ANK3: variants seen among roughly 807,000 people sequenced by gnomAD.
The protein encoded by ANK3 is ankyrin-3.
In ANK3, 57 loss-of-function variants were observed where a neutral mutation model predicts 370.9. The observed-to-expected ratio is 0.15, with a 90% CI of 0.12 to 0.19. ANK3 has a LOEUF of 0.19. Ranked by LOEUF, ANK3 falls within the 10% of genes least tolerant of loss-of-function variation. ANK3 has a pLI of 1.00. For synonymous variants in ANK3, 1,929 were observed against 1,946.3 expected (o/e 0.99, Z 0.23); for missense variants, 4,439 against 5,302.1 (o/e 0.84, Z 5.06).
intron 1 of ANK3, among the ~76,000 whole-genome samples, chr10:60,284,773 C>T (rs551131662): frequency 6.6e-6 from 1 of 151,874 alleles, no homozygotes; most frequent in Non-Finnish European, 1.5e-5. Context: ...CATAGCTCTG[C>T]TCCTTTGCTT....
chr10:60,504,483 T>C (rs1358351370), intron 2 of ANK3, among the ~76,000 whole-genome samples: 2 of 152,200 alleles, frequency 1.3e-5, no homozygotes, highest in Admixed American at 6.5e-5. Context: ...AAAGGCTTTT[T>C]TCCCCCCCAG....
chr10:60,658,323 A>G (rs1313072131), intron 1 of ANK3, among the ~76,000 whole-genome samples: 1 of 151,272 alleles, frequency 6.6e-6, no homozygotes, highest in East Asian at 1.9e-4. Flanking sequence ...TATTGCCACT[A>G]TTGGCTTTCT....
At chr10:60,098,883 G>A (rs2090656906) in intron 28 of ANK3, among the ~76,000 whole-genome samples, 1 of 152,156 alleles carries the variant, frequency 6.6e-6, no homozygotes, top group South Asian at 2.1e-4. Context: ...AAGTGCTGAT[G>A]ATGCAGAATG....
rs56412726 is a variant in ANK3 at position 60,064,672 on chromosome 10, G to GCAACAACAACAACAA, written c.12320-399_12320-385dup. On this transcript the variant is annotated intron_variant, in intron 38 of 43. Coordinates refer to ENST00000280772, the MANE Select transcript of ANK3 (RefSeq NM_020987.5). ...CAAAACCCCGGTCTCCATACACACA[G>GCAACAACAACAACAA]CAACAACAACAACAACAACAACAAC... is the stretch of plus-strand genomic sequence containing the variant. Among the ~76,000 whole-genome samples, 56 of 146,212 alleles carry GCAACAACAACAACAA rather than the reference G, an allele frequency of 3.8e-4. 1 individual carries two copies. The highest frequency in any genetic ancestry group is 1.3e-3 in the African/African-American group (52 of 40,008).
intron 2 of ANK3, among the ~76,000 whole-genome samples, chr10:60,594,772 T>C (rs900630503): frequency 4.6e-5 from 7 of 152,172 alleles, no homozygotes; most frequent in African/African-American, 1.4e-4. Flanking sequence ...TTGTGAACTA[T>C]TGCTATGTTA....
chr10:60,426,670 A>G (rs1000895978), intron 2 of ANK3, among the ~76,000 whole-genome samples: 1 of 152,152 alleles, frequency 6.6e-6, no homozygotes, highest in African/African-American at 2.4e-5. Context: ...AAGAAACTCT[A>G]TCAATCCAAG....
At chr10:60,178,037 T>C (rs1430086829) in intron 18 of ANK3, among the ~76,000 whole-genome samples, 3 of 152,234 alleles carry the variant, frequency 2.0e-5, no homozygotes, top group African/African-American at 7.2e-5. Context: ...TCGCATTGCT[T>C]CCCAGGATCT....
intron 2 of ANK3, among the ~76,000 whole-genome samples, chr10:60,486,876 C>T (rs10761508): frequency 0.36 from 54,548 of 151,938 alleles, 10,250 homozygotes; most frequent in Non-Finnish European, 0.42. Flanking sequence ...TTAAAAGATA[C>T]GTTTCAAACT....
chr10:60,082,431 C>T (rs1442394827), intron 34 of ANK3, 184 bp downstream of exon 34: 4 of 829,966 alleles, frequency 4.8e-6, no homozygotes, highest in Non-Finnish European at 7.4e-6. Flanking sequence ...AGAGAAGACT[C>T]CATCATACAA....
intron 1 of ANK3, among the ~76,000 whole-genome samples, chr10:60,712,324 T>A (rs1157998147): frequency 6.6e-6 from 1 of 152,208 alleles, no homozygotes; most frequent in Non-Finnish European, 1.5e-5. Context: ...ATAAATCAAA[T>A]GAATGACAGC....
chr10:60,071,012 T>C lies in ANK3; in HGVS notation c.9869A>G (p.His3290Arg). Residue 3290 changes from histidine (H) to arginine (R), a missense_variant, in exon 37 of 44, where the codon CAT (histidine) becomes CGT (arginine). His to Arg is a conservative substitution (Grantham distance 29). Around this residue, in one of 13 missense-constraint regions of ANK3, gnomAD observed 1,601 missense variants for 1,731.7 expected, o/e 0.92. Coordinates refer to ENST00000280772, the MANE Select transcript of ANK3 (RefSeq NM_020987.5). Reference sequence around the variant, plus strand: ...AGGTTCAGCCAGCTGGTACTTGTCATGCTCATCTTGCAGATTGACTTCAAT... The same window carrying C: ...AGGTTCAGCCAGCTGGTACTTGTCACGCTCATCTTGCAGATTGACTTCAAT... Reference protein sequence around the residue: ...DMIEVNLQDEHDKYQLAEPVI... With the variant: ...DMIEVNLQDERDKYQLAEPVI... 2 of 1,614,166 alleles carry C rather than the reference T, an allele frequency of 1.2e-6. No homozygotes were observed. The highest frequency in any genetic ancestry group is 8.5e-7 in the Non-Finnish European group (1 of 1,180,012).
intron 2 of ANK3, among the ~76,000 whole-genome samples, chr10:60,534,318 G>T (rs2076675338): frequency 6.6e-6 from 1 of 152,044 alleles, no homozygotes; most frequent in African/African-American, 2.4e-5. Flanking sequence ...CTGCGCCTCA[G>T]CCTTCCAGAA....
chr10:60,451,623 C>T (rs1233930614), intron 2 of ANK3, among the ~76,000 whole-genome samples: 1 of 152,198 alleles, frequency 6.6e-6, no homozygotes, highest in African/African-American at 2.4e-5. Flanking sequence ...TTTTCCTTAA[C>T]ATCCCCAACT....
At chr10:60,491,563 C>T (rs2075505553) in intron 2 of ANK3, among the ~76,000 whole-genome samples, 1 of 152,146 alleles carries the variant, frequency 6.6e-6, no homozygotes, top group Admixed American at 6.5e-5. Flanking sequence ...GTGTTGAGGA[C>T]TAGATGTGAA....
intron 8 of ANK3, among the ~76,000 whole-genome samples, chr10:60,225,569 A>G (rs1476939985): frequency 1.3e-5 from 2 of 152,218 alleles, no homozygotes; most frequent in Non-Finnish European, 2.9e-5. Flanking sequence ...TTCAAAAAAT[A>G]TAAGCAGTCA....
chr10:60,623,203 C>T (rs75793835), intron 1 of ANK3, among the ~76,000 whole-genome samples: 17 of 152,152 alleles, frequency 1.1e-4, no homozygotes, highest in South Asian at 4.2e-4. Context: ...GAATAAGGTA[C>T]GATCTTTACT....
intron 22 of ANK3, 42 bp from the exon 23 acceptor site, chr10:60,166,695 A>G: frequency 1.9e-6 from 3 of 1,598,670 alleles, no homozygotes; most frequent in South Asian, 1.1e-5. Context: ...TGAAAAATAC[A>G]TACTCTTGAT....
chr10:60,543,862 T>G (rs1405439189), intron 2 of ANK3, among the ~76,000 whole-genome samples: 2 of 152,098 alleles, frequency 1.3e-5, no homozygotes, highest in Admixed American at 6.6e-5. Flanking sequence ...CTAGTCAATC[T>G]GTCCAGACTC....
chr10:60,317,608 T>A (rs1353209086), intron 1 of ANK3, among the ~76,000 whole-genome samples: 1 of 152,180 alleles, frequency 6.6e-6, no homozygotes, highest in Non-Finnish European at 1.5e-5. Flanking sequence ...GTAAAGTAAG[T>A]ATTATTATCT....
Sources: gnomAD v4.1 joint callset for allele counts (sites outside exome capture counted in the v4.1 genomes callset) on GRCh38, gnomAD v4.1.1 for gene constraint, gnomAD v4.1.1 regional missense constraint, MANE v1.5 for transcripts, NCBI Gene and HGNC (gene_info 2026-07-23, HGNC 2026-07-21) for gene names.